RNF19A: variants seen among roughly 807,000 people sequenced by gnomAD.
RNF19A encodes ring finger protein 19A, RBR E3 ubiquitin protein ligase.
In RNF19A, 32 loss-of-function variants were observed where a neutral mutation model predicts 75.7. That is an observed-to-expected ratio of 0.42 (90% confidence interval 0.32 to 0.57). The LOEUF (loss-of-function observed/expected upper bound fraction) is 0.57, where lower values mean the gene tolerates loss of function less well. Ranked by LOEUF, RNF19A falls within the 20% of genes least tolerant of loss-of-function variation. The pLI is 0.10. For missense variants in RNF19A, 782 were observed against 1,036.3 expected (o/e 0.75, Z 3.37); for synonymous variants, 335 against 345.2 (o/e 0.97, Z 0.33).
chr8:100,320,542 G>A (rs1050822875), intron 1 of RNF19A, among the ~76,000 whole-genome samples: 2 of 152,130 alleles, frequency 1.3e-5, no homozygotes, highest in South Asian at 2.1e-4. Flanking sequence ...TATTCACTGG[G>A]TGGAAAAATA....
intron 1 of RNF19A, among the ~76,000 whole-genome samples, chr8:100,298,774 AAAGT>A (rs1821689344): frequency 6.6e-6 from 1 of 152,218 alleles, no homozygotes; most frequent in Non-Finnish European, 1.5e-5. Flanking sequence ...GTTATTACAA[AAAGT>A]AAGCTGCTGC....
rs931493248 is a variant in RNF19A at position 100,309,854 on chromosome 8, T to G, written c.-94+13A>C. 1.0e-6 allele frequency: 1 copy of G among 985,556 alleles called. No individual in the cohort carries two copies. Among genetic ancestry groups the G allele is most frequent in the Non-Finnish European group, 1.2e-6 (1 of 830,048 alleles). The allele number at this position is 985,556 out of a possible 1,614,324, so 61.1% of individuals were successfully genotyped here. A position where few individuals can be genotyped will look rare whatever the true frequency, so the allele number is the denominator to read the frequency against. ...GCTCCGGGGCGCAAGCTCCTCCGGGTGCCCGCCCGTACCTTTAACTCCTCA... is the reference window on the plus strand; with the variant it reads ...GCTCCGGGGCGCAAGCTCCTCCGGGGGCCCGCCCGTACCTTTAACTCCTCA... On this transcript the variant is annotated intron_variant, in intron 1 of 9. Transcript: ENST00000341084.
intron 3 of RNF19A, among the ~76,000 whole-genome samples, chr8:100,271,564 A>C (rs757439095): frequency 1.3e-5 from 2 of 152,214 alleles, no homozygotes; most frequent in Admixed American, 6.5e-5. Flanking sequence ...CAATCTTTGG[A>C]ACAAACTGAA....
intron 2 of RNF19A, among the ~76,000 whole-genome samples, chr8:100,285,796 T>A (rs995060469): frequency 6.6e-6 from 1 of 151,918 alleles, no homozygotes; most frequent in African/African-American, 2.4e-5. Context: ...CCACGCCCAG[T>A]TGTAGATTTT....
At chr8:100,311,715 C>G (rs1291138476), upstream of RNF19A, among the ~76,000 whole-genome samples, 9 of 27,888 alleles carry the variant, frequency 3.2e-4, no homozygotes, top group Admixed American at 4.2e-3. Flanking sequence ...GAGACTCCGT[C>G]TCAAAAAAAA....
intron 2 of RNF19A, among the ~76,000 whole-genome samples, chr8:100,281,851 AG>A (rs1330909904): frequency 1.3e-5 from 2 of 152,206 alleles, no homozygotes; most frequent in African/African-American, 4.8e-5. Flanking sequence ...CAGAATCAAG[AG>A]GCTCATGTTT....
At chr8:100,292,283 G>C (rs1000587103) in intron 1 of RNF19A, among the ~76,000 whole-genome samples, 1 of 152,152 alleles carries the variant, frequency 6.6e-6, no homozygotes, top group Admixed American at 6.6e-5. Context: ...CATTTGCTTT[G>C]ATAGCAAAGA....
At position 100,325,381 on chromosome 8, in the gene RNF19A, C is replaced by G. The variant is rs982342567; in HGVS notation, c.-243+10727G>C. 6.6e-6 allele frequency among the ~76,000 whole-genome samples: 1 copy of G among 152,180 alleles called. No individual in the cohort carries two copies. The highest frequency in any genetic ancestry group is 2.4e-5 in the African/African-American group (1 of 41,434). Reference sequence around the variant, plus strand: ...TAAATTATAAAATTACAAAGTAATTCTGGATCTGCCTCTATGGTGTCTGCT... The same window carrying G: ...TAAATTATAAAATTACAAAGTAATTGTGGATCTGCCTCTATGGTGTCTGCT... On this transcript the variant is annotated intron_variant, in intron 1 of 3. Coordinates refer to the RNF19A transcript ENST00000519527. The surrounding 1 kb of genome is among the most constrained non-coding windows in gnomAD (Gnocchi z 4.3).
Position 100,282,312 on chromosome 8 carries a change from T to G in RNF19A, c.674+5189A>C, listed in dbSNP as rs529307065. On this transcript the variant is annotated intron_variant, in intron 2 of 9. Transcript: ENST00000341084. ...ATAGGAGTAATATACAGATTGAGCA[T>G]CCCTAGTCAAAAAATTCAAAATCTG... Among the ~76,000 whole-genome samples the G allele has an allele frequency of 2.6e-5, 4 of 152,286 alleles. No homozygotes were observed. The South Asian group carries it at 8.3e-4, about 32-fold the overall frequency.
chr8:100,259,339 T>TA lies in RNF19A; in HGVS notation c.1827-94dup, dbSNP rs1819605384. 3 of 985,534 alleles carry TA rather than the reference T, an allele frequency of 3.0e-6. No individual in the cohort carries two copies. In the Admixed American group the frequency reaches 6.9e-5, roughly 23 times the overall value. The allele number at this position is 985,534 out of a possible 1,614,324, so 61.0% of individuals were successfully genotyped here. ...GGGTTTCTATGTGGAAAATTCAGAC[T>TA]ATATATAAGCTATGAGAACACCTTA... is the stretch of plus-strand genomic sequence containing the variant. On this transcript the variant is annotated intron_variant, in intron 9 of 9. Transcript: ENST00000341084. The surrounding 1 kb of genome is among the most constrained non-coding windows in gnomAD (Gnocchi z 4.5).
Position 100,330,917 on chromosome 8 carries a change from G to A in RNF19A, c.-243+5191C>T, listed in dbSNP as rs1396331877. The stretch of plus-strand genomic sequence containing the variant: ...TGCGAAAAGTGCAGACTGGCTCCAA[G>A]GCTCTGAGCTGGTCTTTCTGAAATC... On this transcript the variant is annotated intron_variant, in intron 1 of 3. Coordinates refer to the RNF19A transcript ENST00000519527. The surrounding 1 kb of genome is among the most constrained non-coding windows in gnomAD (Gnocchi z 4.1). Among the ~76,000 whole-genome samples the A allele has an allele frequency of 1.3e-5, 2 of 152,214 alleles. No individual in the cohort carries two copies. The highest frequency in any genetic ancestry group is 2.9e-5 in the Non-Finnish European group (2 of 68,042).
Position 100,333,814 on chromosome 8 carries a change from T to C in RNF19A, c.-243+2294A>G, listed in dbSNP as rs1037978768. On this transcript the variant is annotated intron_variant, in intron 1 of 3. Coordinates refer to the RNF19A transcript ENST00000519527. This position sits in a 1 kb window ranked among gnomAD's most constrained non-coding sequence, Gnocchi z 4.7. ...GCCTGGGCAATAGAGTGACACCCTG[T>C]CTGTAAACAATAACAACAAAAACCG... Among the ~76,000 whole-genome samples the C allele has an allele frequency of 6.6e-6, 1 of 152,224 alleles. No individual in the cohort carries two copies. The highest frequency in any genetic ancestry group is 2.4e-5 in the African/African-American group (1 of 41,450).
chr8:100,320,290 A>AAAC (rs971347611), intron 1 of RNF19A, among the ~76,000 whole-genome samples: 8 of 151,960 alleles, frequency 5.3e-5, no homozygotes, highest in Non-Finnish European at 1.0e-4. Flanking sequence ...ATTTTTTAAA[A>AAAC]AACAACAACA....
Position 100,305,365 on chromosome 8 carries a change from C to T in RNF19A, c.-94+4502G>A, listed in dbSNP as rs1345625718. 2.0e-5 allele frequency among the ~76,000 whole-genome samples: 3 copies of T among 152,154 alleles called. No individual in the cohort carries two copies. In the East Asian group the frequency reaches 5.8e-4, roughly 29 times the overall value. On this transcript the variant is annotated intron_variant, in intron 1 of 9. Coordinates refer to ENST00000341084, the MANE Select transcript of RNF19A (RefSeq NM_183419.4). ...ATTTGGCCTCAAAAGACACATCAAT[C>T]AGTTAGAAAAAGACTACAAAAAGAC...
Position 100,317,159 on chromosome 8 carries a change from C to CA in RNF19A, c.-242-3788_-242-3787insT, listed in dbSNP as rs1563873431. On this transcript the variant is annotated intron_variant, in intron 1 of 3. Coordinates refer to the RNF19A transcript ENST00000519527. This position sits in a 1 kb window ranked among gnomAD's most constrained non-coding sequence, Gnocchi z 4.3. ...GCAGCCCAGCCCGGGTTCCCGCTCG[C>CA]GCCTCTCCCTCCGCACCTCCCTGCA... Among the ~76,000 whole-genome samples the CA allele has an allele frequency of 6.6e-6, 1 of 152,224 alleles. No homozygotes were observed. The highest frequency in any genetic ancestry group is 1.5e-5 in the Non-Finnish European group (1 of 68,034).
chr8:100,271,680 A>T (rs564013818), intron 3 of RNF19A, among the ~76,000 whole-genome samples: 1 of 152,200 alleles, frequency 6.6e-6, no homozygotes, highest in African/African-American at 2.4e-5. Flanking sequence ...TATTTTTGAT[A>T]GGTCTCTATA....
Position 100,264,580 on chromosome 8 carries a change from C to A in RNF19A, c.1306+91G>T. ...TACTGCAGGCTCAATTTAAATTGTC[C>A]TCAAATTAAAAAACAATTAAAAAAA... is the stretch of plus-strand genomic sequence containing the variant. On this transcript the variant is annotated intron_variant, in intron 6 of 9. Coordinates refer to ENST00000341084, the MANE Select transcript of RNF19A (RefSeq NM_183419.4). This position sits in a 1 kb window ranked among gnomAD's most constrained non-coding sequence, Gnocchi z 4.7. 1.2e-6 allele frequency: 1 copy of A among 848,210 alleles called. No individual in the cohort carries two copies. The allele number at this position is 848,210 out of a possible 1,614,324, so 52.5% of individuals were successfully genotyped here. A position where few individuals can be genotyped will look rare whatever the true frequency, so the allele number is the denominator to read the frequency against.
At position 100,259,866 on chromosome 8, in the gene RNF19A, A is replaced by G. The variant is rs1439373973; in HGVS notation, c.1814T>C (p.Ile605Thr). 6.2e-7 allele frequency: 1 copy of G among 1,612,304 alleles called. No individual in the cohort carries two copies. The highest frequency in any genetic ancestry group is 1.7e-5 in the Admixed American group (1 of 59,476). Residue 605 changes from isoleucine to threonine, a missense_variant, in exon 9 of 10, where the codon ATC (isoleucine) becomes ACC (threonine). Coordinates refer to ENST00000341084, the MANE Select transcript of RNF19A (RefSeq NM_183419.4). The surrounding 1 kb of genome is among the most constrained non-coding windows in gnomAD (Gnocchi z 4.5). ...AMAGSILNSY[I>T]PLDKEGNSME... ...GTTTTTTCCTTACTTGTCCAATGGGATGTAGGAATTCAGAATGGATCCTGC... is the reference window on the plus strand; with the variant it reads ...GTTTTTTCCTTACTTGTCCAATGGGGTGTAGGAATTCAGAATGGATCCTGC...
intron 1 of RNF19A, among the ~76,000 whole-genome samples, chr8:100,290,322 G>C (rs750368550): frequency 9.2e-5 from 14 of 152,112 alleles, no homozygotes; most frequent in Middle Eastern, 3.2e-3. Context: ...GGCTGGCCTC[G>C]AACTCCTGAC....
Sources: gnomAD v4.1 joint callset for allele counts (sites outside exome capture counted in the v4.1 genomes callset) on GRCh38, gnomAD v4.1.1 for gene constraint, Gnocchi (gnomAD v3.1) non-coding constraint, MANE v1.5 for transcripts, NCBI Gene and HGNC (gene_info 2026-07-23, HGNC 2026-07-21) for gene names.